VDAC1: variants seen among roughly 807,000 people sequenced by gnomAD.
VDAC1 encodes voltage dependent anion channel 1.
A neutral mutation model predicts 34.7 loss-of-function variants in VDAC1; 10 were observed. That is an observed-to-expected ratio of 0.29 (90% CI 0.18 to 0.49). The LOEUF (loss-of-function observed/expected upper bound fraction) is 0.49. VDAC1 is among the 20% of genes least tolerant of loss of function. The pLI is 0.99. For synonymous variants in VDAC1, 130 were observed against 136.0 expected (o/e 0.96, Z 0.30); for missense variants, 230 against 347.9 (o/e 0.66, Z 2.69).
the VDAC1 span, among the ~76,000 whole-genome samples, chr5:134,086,988 G>T: frequency 6.6e-6 from 1 of 152,288 alleles, no homozygotes; most frequent in Middle Eastern, 3.4e-3. Flanking sequence ...GAAAGGAAGA[G>T]CCAGGACAAA....
intron 6 of VDAC1, among the ~76,000 whole-genome samples, chr5:133,977,041 C>T (rs1029821487): frequency 3.3e-5 from 5 of 151,874 alleles, no homozygotes; most frequent in African/African-American, 1.2e-4. Context: ...GAGACTCTGG[C>T]TCAAAAAATA....
At chr5:134,074,622 G>A in the VDAC1 span, among the ~76,000 whole-genome samples, 2 of 152,144 alleles carry the variant, frequency 1.3e-5, no homozygotes, top group East Asian at 1.9e-4. Flanking sequence ...TGAGGTACCC[G>A]TGGCAGCCTC....
chr5:133,992,817 T>G (rs1380053673), intron 2 of VDAC1, 129 bp downstream of exon 2: 8 of 888,670 alleles, frequency 9.0e-6, no homozygotes, highest in African/African-American at 3.5e-5. Context: ...AATGAAAGCT[T>G]CTTTTTTCCC....
At chr5:134,013,706 G>A in the VDAC1 span, among the ~76,000 whole-genome samples, 172 of 152,290 alleles carry the variant, frequency 1.1e-3, no homozygotes, top group African/African-American at 4.0e-3. Context: ...ACTTTAGGAG[G>A]CCAAGGCAGG....
chr5:133,979,423 G>GTTTTTT (rs1561583199), intron 6 of VDAC1, among the ~76,000 whole-genome samples: 1 of 59,290 alleles, frequency 1.7e-5, no homozygotes, highest in African/African-American at 5.0e-5. Context: ...TATTTTCTTT[G>GTTTTTT]CTTTTTTTTT....
At chr5:134,081,313 A>G in the VDAC1 span, among the ~76,000 whole-genome samples, 1 of 152,128 alleles carries the variant, frequency 6.6e-6, no homozygotes, top group Non-Finnish European at 1.5e-5. Context: ...CTGGGATTAC[A>G]GGCGTGAGCC....
chr5:134,053,081 C>T, the VDAC1 span, among the ~76,000 whole-genome samples: 2 of 152,068 alleles, frequency 1.3e-5, no homozygotes, highest in Non-Finnish European at 2.9e-5. Flanking sequence ...CGCCATTGCA[C>T]TCCAGCCTGG....
At chr5:134,096,506 C>G in the VDAC1 span, among the ~76,000 whole-genome samples, 1 of 152,264 alleles carries the variant, frequency 6.6e-6, no homozygotes, top group African/African-American at 2.4e-5. Context: ...GTGGGCCACA[C>G]GATCTCTCCT....
At chr5:134,041,512 C>T in the VDAC1 span, among the ~76,000 whole-genome samples, 2 of 152,194 alleles carry the variant, frequency 1.3e-5, no homozygotes, top group African/African-American at 2.4e-5. Flanking sequence ...GGTCCCAGGA[C>T]CAGCTGCTCA....
At chr5:134,043,484 C>G in the VDAC1 span, among the ~76,000 whole-genome samples, 1 of 152,176 alleles carries the variant, frequency 6.6e-6, no homozygotes, top group African/African-American at 2.4e-5. Flanking sequence ...TCACCTCCTC[C>G]TCTCTGGTTA....
intron 5 of VDAC1, among the ~76,000 whole-genome samples, chr5:133,989,941 C>T (rs28483610): frequency 0.015 from 2,288 of 152,342 alleles, 53 homozygotes; most frequent in African/African-American, 0.053. Context: ...GGATTACAGG[C>T]GTGAGCCACC....
At chr5:134,024,805 A>G in the VDAC1 span, among the ~76,000 whole-genome samples, 1 of 152,330 alleles carries the variant, frequency 6.6e-6, no homozygotes, top group Admixed American at 6.5e-5. Flanking sequence ...CTCTGCTCTT[A>G]TAGCCCAGAC....
At chr5:134,053,394 A>C in the VDAC1 span, among the ~76,000 whole-genome samples, 1 of 152,134 alleles carries the variant, frequency 6.6e-6, no homozygotes. Context: ...GATACTCTGC[A>C]TTTTGTCAGT....
the VDAC1 span, among the ~76,000 whole-genome samples, chr5:134,087,489 T>A: frequency 2.7e-4 from 41 of 152,056 alleles, no homozygotes; most frequent in African/African-American, 9.2e-4. Context: ...TTCTTCAACA[T>A]CAACACCCAG....
chr5:134,027,420 G>GAGAGA, the VDAC1 span, among the ~76,000 whole-genome samples: 4 of 152,178 alleles, frequency 2.6e-5, no homozygotes, highest in Non-Finnish European at 5.9e-5. Flanking sequence ...GAACATGGGG[G>GAGAGA]ACAAGAGAGC....
chr5:134,031,117 G>A, the VDAC1 span, among the ~76,000 whole-genome samples: 20 of 152,044 alleles, frequency 1.3e-4, no homozygotes, highest in African/African-American at 4.8e-4. Context: ...ACCTGGTGTG[G>A]GGATCATTAA....
chr5:134,014,255 A>C, the VDAC1 span, among the ~76,000 whole-genome samples: 1 of 152,012 alleles, frequency 6.6e-6, no homozygotes, highest in Non-Finnish European at 1.5e-5. Context: ...GTGCCACCAC[A>C]CTCCAGCCTG....
At chr5:134,034,946 G>C in the VDAC1 span, among the ~76,000 whole-genome samples, 1 of 152,176 alleles carries the variant, frequency 6.6e-6, no homozygotes, top group East Asian at 1.9e-4. Flanking sequence ...TAGATGGAGA[G>C]AGGGGGGACA....
chr5:134,088,603 T>C, the VDAC1 span, among the ~76,000 whole-genome samples: 40 of 152,280 alleles, frequency 2.6e-4, no homozygotes, highest in East Asian at 6.9e-3. Flanking sequence ...CTTTTTATTG[T>C]GAAAAGAAAA....
Sources: gnomAD v4.1 joint callset for allele counts (sites outside exome capture counted in the v4.1 genomes callset) on GRCh38, gnomAD v4.1.1 for gene constraint, MANE v1.5 for transcripts, NCBI Gene and HGNC (gene_info 2026-07-23, HGNC 2026-07-21) for gene names.